Variants in PCDHGA1 observed in about 807,000 individuals in gnomAD.
PCDHGA1 encodes the protein protocadherin gamma-A1.
A neutral mutation model predicts 58.0 loss-of-function variants in PCDHGA1; 32 were observed. The ratio of observed to expected loss-of-function variants is 0.55; its 90% CI spans 0.42 to 0.74. The LOEUF is 0.74. Among genes scored for constraint, PCDHGA1 ranks in the 30% least tolerant of loss-of-function variants. The pLI, the probability that PCDHGA1 is intolerant of heterozygous loss-of-function variation, is 0.00. For missense variants in PCDHGA1, 1,205 were observed against 1,182.3 expected (o/e 1.02, Z -0.28); for synonymous variants, 498 against 501.1 (o/e 0.99, Z 0.08).
chr5:141,423,156 C>G, intron 1 of PCDHGA1: 1 of 1,613,388 alleles, frequency 6.2e-7, no homozygotes, highest in Non-Finnish European at 8.5e-7. Flanking sequence ...AGCAGAGCCT[C>G]GTGGTGGCCG....
intron 1 of PCDHGA1, among the ~76,000 whole-genome samples, chr5:141,488,738 A>G (rs1462948813): frequency 1.3e-5 from 2 of 152,222 alleles, no homozygotes; most frequent in Non-Finnish European, 2.9e-5. Context: ...TTCTGAAGTC[A>G]TGCAGGAAGT....
rs1561858566 is a variant in PCDHGA1 at position 141,432,177 on chromosome 5, C to G, written c.2422-62630C>G. ...AATCCCAGAGGAGTTTCCCTCGTCTCTGTGACCGCCCACGACCCCGACTGT... is the reference window on the plus strand; with the variant it reads ...AATCCCAGAGGAGTTTCCCTCGTCTGTGTGACCGCCCACGACCCCGACTGT... On this transcript the variant is annotated intron_variant, in intron 1 of 3. Transcript: ENST00000517417. This position sits in a 1 kb window ranked among gnomAD's most constrained non-coding sequence, Gnocchi z 6.0. The G allele has an allele frequency of 6.2e-7, 1 of 1,614,220 alleles. No homozygotes were observed. Among genetic ancestry groups the G allele is most frequent in the Admixed American group, 1.7e-5 (1 of 60,032 alleles).
intron 1 of PCDHGA1, chr5:141,392,999 C>A: frequency 6.2e-7 from 1 of 1,613,858 alleles, no homozygotes; most frequent in Non-Finnish European, 8.5e-7. Context: ...TGGCGAAGCA[C>A]GGAGTCCGTA....
chr5:141,388,842 A>C, intron 1 of PCDHGA1: 1 of 1,614,014 alleles, frequency 6.2e-7, no homozygotes, highest in Non-Finnish European at 8.5e-7. Flanking sequence ...TTTGGAAGCA[A>C]GGGACGGTGG....
chr5:141,419,996 C>G, intron 1 of PCDHGA1: 1 of 1,614,084 alleles, frequency 6.2e-7, no homozygotes, highest in Non-Finnish European at 8.5e-7. Context: ...AGCTATTGCT[C>G]TACGCCTGCG....
At chr5:141,426,879 G>C (rs1222564201) in intron 1 of PCDHGA1, 3 of 456,710 alleles carry the variant, frequency 6.6e-6, no homozygotes, top group Non-Finnish European at 1.3e-5. Context: ...GAAGCCCCTG[G>C]GCCAGGAGCA....
chr5:141,370,898 G>A, intron 1 of PCDHGA1: 1 of 1,614,062 alleles, frequency 6.2e-7, no homozygotes, highest in African/African-American at 1.3e-5. Flanking sequence ...ATTCGCTGCA[G>A]CAGTACTACC....
chr5:141,359,518 C>A (rs1386838836), intron 1 of PCDHGA1, among the ~76,000 whole-genome samples: 1 of 149,410 alleles, frequency 6.7e-6, no homozygotes, highest in African/African-American at 2.5e-5. Flanking sequence ...ATATTATGGG[C>A]CACTAGATAA....
At chr5:141,421,185 C>T in intron 1 of PCDHGA1, 1 of 1,463,494 alleles carries the variant, frequency 6.8e-7, no homozygotes, top group Non-Finnish European at 9.1e-7. Flanking sequence ...GATTCACAAC[C>T]AACCAGCTCG....
Position 141,431,883 on chromosome 5 carries a change from A to T in PCDHGA1, c.2422-62924A>T, listed in dbSNP as rs748968989. 6.8e-6 allele frequency: 11 copies of T among 1,614,118 alleles called. No individual in the cohort carries two copies. The highest frequency in any genetic ancestry group is 1.1e-5 in the South Asian group (1 of 91,084). On this transcript the variant is annotated intron_variant, in intron 1 of 3. Transcript: ENST00000517417. The surrounding 1 kb of genome is among the most constrained non-coding windows in gnomAD (Gnocchi z 4.8). ...GCCCTTTTAAATGTAAATGACCAAG[A>T]TTCTGAGGAAAACGGACAGGTGATC...
chr5:141,383,004 G>A, intron 1 of PCDHGA1: 1 of 1,613,698 alleles, frequency 6.2e-7, no homozygotes, highest in Non-Finnish European at 8.5e-7. Flanking sequence ...TCTACTCCGT[G>A]TCGGAGGAGA....
At chr5:141,347,245 G>T (rs541752483) in intron 1 of PCDHGA1, among the ~76,000 whole-genome samples, 43 of 150,724 alleles carry the variant, frequency 2.9e-4, no homozygotes, top group African/African-American at 9.3e-4. Flanking sequence ...CCTTGACCTC[G>T]CAGACTCAAG....
chr5:141,466,197 G>A (rs2099118639), intron 1 of PCDHGA1, among the ~76,000 whole-genome samples: 1 of 151,666 alleles, frequency 6.6e-6, no homozygotes, highest in South Asian at 2.1e-4. Flanking sequence ...TTCAGACACA[G>A]CCTTGCTCTG....
chr5:141,374,202 A>G, intron 1 of PCDHGA1: 1 of 1,613,868 alleles, frequency 6.2e-7, no homozygotes, highest in Non-Finnish European at 8.5e-7. Context: ...GAGGAGCTGG[A>G]GAAAGGCTCC....
Position 141,476,241 on chromosome 5 carries a change from A to G in PCDHGA1, c.2422-18566A>G, listed in dbSNP as rs375405507. ...CACTATGAGATCCCGGAGGAAAGAG[A>G]GAAGGGTTTCGCTGTGGGCAACGTG... On this transcript the variant is annotated intron_variant, in intron 1 of 3. Transcript: ENST00000517417. The surrounding 1 kb of genome is among the most constrained non-coding windows in gnomAD (Gnocchi z 7.6). 3.7e-6 allele frequency: 6 copies of G among 1,613,626 alleles called. No homozygotes were observed. The highest frequency in any genetic ancestry group is 2.2e-5 in the East Asian group (1 of 44,834).
chr5:141,430,904 T>C (rs2097322701), intron 1 of PCDHGA1: 5 of 1,606,730 alleles, frequency 3.1e-6, no homozygotes, highest in Middle Eastern at 1.7e-4. Context: ...GGGCGACATC[T>C]CCAGGGACCT....
intron 1 of PCDHGA1, chr5:141,346,353 A>G (rs765918159): frequency 6.2e-7 from 1 of 1,614,214 alleles, no homozygotes; most frequent in South Asian, 1.1e-5. Context: ...CCCCCAGCCC[A>G]ACTATGCGGA....
In PCDHGA1 at chr5:141,339,174, C is replaced by A; in HGVS notation, c.2421+6069C>A. The A allele has an allele frequency of 6.2e-7, 1 of 1,614,108 alleles. No homozygotes were observed. Among genetic ancestry groups the A allele is most frequent in the Non-Finnish European group, 8.5e-7 (1 of 1,179,946 alleles). Reference sequence around the variant, plus strand: ...GCAGAGCAGGGAGTCCGCATCGTCTCCAGAGGTAGGTCCCAGCTCTTTGCT... The same window carrying A: ...GCAGAGCAGGGAGTCCGCATCGTCTACAGAGGTAGGTCCCAGCTCTTTGCT... On this transcript the variant is annotated intron_variant, in intron 1 of 3. Coordinates refer to ENST00000517417, the MANE Select transcript of PCDHGA1 (RefSeq NM_018912.3).
intron 1 of PCDHGA1, chr5:141,410,157 C>T: frequency 6.2e-7 from 1 of 1,613,546 alleles, no homozygotes; most frequent in Non-Finnish European, 8.5e-7. Context: ...GGTGGACAGC[C>T]GCCACTCTCT....
Sources: allele counts gnomAD v4.1 joint callset (sites outside exome capture counted in the v4.1 genomes callset), GRCh38; gene constraint gnomAD v4.1.1; non-coding constraint Gnocchi (gnomAD v3.1); transcripts MANE v1.5; gene names NCBI Gene and HGNC (gene_info 2026-07-23, HGNC 2026-07-21).